Variants in TG observed in about 807,000 individuals in gnomAD.
TG encodes the protein thyroid hormones.
TG carries 270 observed loss-of-function variants against 324.7 expected under a neutral mutation model. The ratio of observed to expected loss-of-function variants is 0.83; its 90% CI spans 0.75 to 0.92. The LOEUF (loss-of-function observed/expected upper bound fraction) is 0.92. Among genes scored for constraint, TG ranks in the 40% least tolerant of loss-of-function variants. TG has a pLI of 0.00. For synonymous variants in TG, 1,401 were observed against 1,327.0 expected (o/e 1.06, Z -1.21); for missense variants, 3,591 against 3,456.4 (o/e 1.04, Z -0.98).
rs2132393341 is a variant in TG, at chr8:132,913,229, T to C, written c.4342T>C (p.Leu1448=). The C allele has an allele frequency of 1.2e-6, 2 of 1,614,152 alleles. No homozygotes were observed. Among genetic ancestry groups the C allele is most frequent in the East Asian group, 4.5e-5 (2 of 44,868 alleles). Reference sequence around the variant, plus strand: ...GTGCTCGGAAGGATTCTACCAAGTCTTGACAAGTGAGGCCAGTCAGGACGG... The same window carrying C: ...GTGCTCGGAAGGATTCTACCAAGTCCTGACAAGTGAGGCCAGTCAGGACGG... ...FGCSEGFYQV[L]TSEASQDGLG... The change falls in exon 20 of 48, where the codon TTG becomes CTG. Residue 1448 remains leucine (L), a synonymous_variant. Coordinates refer to ENST00000220616, the MANE Select transcript of TG (RefSeq NM_003235.5).
At chr8:132,884,784 A>G (rs543450630) in intron 8 of TG, among the ~76,000 whole-genome samples, 1 of 152,240 alleles carries the variant, frequency 6.6e-6, no homozygotes, top group Non-Finnish European at 1.5e-5. Flanking sequence ...TGTCTGGTAT[A>G]TCAGGTCCTA....
intron 23 of TG, among the ~76,000 whole-genome samples, chr8:132,930,681 G>A (rs570447484): frequency 2.4e-4 from 25 of 104,812 alleles, no homozygotes; most frequent in South Asian, 4.0e-4. Flanking sequence ...GTGAAACTCC[G>A]TCAAAAAAAA....
intron 41 of TG, chr8:133,087,939 T>C (rs988235522): frequency 4.6e-5 from 7 of 152,218 alleles, no homozygotes; most frequent in African/African-American, 1.4e-4. Context: ...TTTAAACTTC[T>C]TAGACTCTCT....
At chr8:132,884,658 A>G (rs1815130960) in intron 8 of TG, among the ~76,000 whole-genome samples, 1 of 152,228 alleles carries the variant, frequency 6.6e-6, no homozygotes, top group Admixed American at 6.5e-5. Flanking sequence ...ACTAAAACCT[A>G]GAGAATGTTA....
chr8:133,078,443 C>T (rs1260456623), intron 41 of TG, among the ~76,000 whole-genome samples: 1 of 152,242 alleles, frequency 6.6e-6, no homozygotes, highest in Non-Finnish European at 1.5e-5. Context: ...ACCACCCTAA[C>T]CATTCCTCTC....
chr8:133,119,640 A>G (rs1850980861), intron 45 of TG, among the ~76,000 whole-genome samples: 1 of 152,128 alleles, frequency 6.6e-6, no homozygotes, highest in Non-Finnish European at 1.5e-5. Flanking sequence ...TACTCCCCAA[A>G]GGCCCTGTCT....
intron 41 of TG, among the ~76,000 whole-genome samples, chr8:133,033,615 G>A (rs569618102): frequency 6.6e-6 from 1 of 152,214 alleles, no homozygotes; most frequent in Admixed American, 6.5e-5. Flanking sequence ...TACACTCCAG[G>A]CTCACTAGCT....
intron 41 of TG, chr8:133,039,938 A>G: frequency 6.6e-7 from 1 of 1,518,948 alleles, no homozygotes; most frequent in Non-Finnish European, 8.8e-7. Flanking sequence ...TCACATGTTC[A>G]CAGAGCACTT....
chr8:133,028,184 A>G (rs1836282354), intron 40 of TG, among the ~76,000 whole-genome samples: 1 of 152,192 alleles, frequency 6.6e-6, no homozygotes, highest in Non-Finnish European at 1.5e-5. Context: ...CAGGCTGTGG[A>G]CGTCACTTTT....
At chr8:132,876,827 C>T (rs774667254) in intron 5 of TG, among the ~76,000 whole-genome samples, 2 of 152,220 alleles carry the variant, frequency 1.3e-5, no homozygotes, top group African/African-American at 2.4e-5. Flanking sequence ...ATGCCATTGT[C>T]AAAGCCTTAA....
At chr8:132,971,045 G>A (rs1300470782) in intron 32 of TG, among the ~76,000 whole-genome samples, 2 of 152,292 alleles carry the variant, frequency 1.3e-5, no homozygotes, top group Non-Finnish European at 2.9e-5. Context: ...GTTTGAGAAA[G>A]CTCTCAGGAG....
intron 27 of TG, among the ~76,000 whole-genome samples, chr8:132,955,506 A>G (rs77475084): frequency 0.016 from 2,502 of 152,354 alleles, 34 homozygotes; most frequent in Non-Finnish European, 0.024. Context: ...GGGCTCAGGA[A>G]TCTGTCACAA....
chr8:133,045,174 G>T, intron 41 of TG: 1 of 1,594,674 alleles, frequency 6.3e-7, no homozygotes, highest in Non-Finnish European at 8.6e-7. Flanking sequence ...AAGGCACCCA[G>T]CTAACCAGCC....
rs776105050 is a variant in TG at position 132,941,434 on chromosome 8, G to A, written c.5125G>A (p.Val1709Met). The change falls in exon 26 of 48, where the codon GTG (valine) becomes ATG (methionine). Residue 1709 changes from valine to methionine, a missense_variant. Transcript: ENST00000220616. The part of the protein sequence containing the change: ...NMLSGLYNPI[V>M]FSASGANLTD... The stretch of plus-strand genomic sequence containing the variant: ...GCTTTCTGGATTGTACAACCCCATT[G>A]TGTTCTCAGCCTCAGGAGCCAATCT... 2 of 1,614,200 alleles carry A rather than the reference G, an allele frequency of 1.2e-6. No homozygotes were observed. Among genetic ancestry groups the A allele is most frequent in the South Asian group, 1.1e-5 (1 of 91,080 alleles).
chr8:132,962,404 A>G (rs919178732), intron 28 of TG, among the ~76,000 whole-genome samples: 3 of 152,190 alleles, frequency 2.0e-5, no homozygotes, highest in Admixed American at 6.5e-5. Context: ...TCCCAAGTCC[A>G]GTACTTCCTA....
At chr8:133,118,167 C>A (rs1451867157) in intron 45 of TG, among the ~76,000 whole-genome samples, 1 of 152,082 alleles carries the variant, frequency 6.6e-6, no homozygotes, top group African/African-American at 2.4e-5. Flanking sequence ...TTATTACCTG[C>A]CCTATAATTG....
At chr8:132,966,793 A>G in intron 30 of TG, 96 bp downstream of exon 30, 7 of 1,466,594 alleles carry the variant, frequency 4.8e-6, no homozygotes, top group Non-Finnish European at 6.6e-6. Flanking sequence ...ATAAGGCCAA[A>G]TTTTGTGTCA....
At position 132,919,414 on chromosome 8, in the gene TG, T is replaced by G; in HGVS notation, c.4417T>G (p.Cys1473Gly). 6.2e-7 allele frequency: 1 copy of G among 1,614,196 alleles called. No individual in the cohort carries two copies. The highest frequency in any genetic ancestry group is 8.5e-7 in the Non-Finnish European group (1 of 1,180,034). The change falls in exon 21 of 48, where the codon TGC becomes GGC. Residue 1473 changes from cysteine (C) to glycine (G), a missense_variant. Cys to Gly is a radical substitution (Grantham distance 159, BLOSUM62 -3). Coordinates refer to ENST00000220616, the MANE Select transcript of TG (RefSeq NM_003235.5). Reference protein sequence around the residue: ...PEGSYSQDEECIPCPVGFYQE... With the variant: ...PEGSYSQDEEGIPCPVGFYQE... ...AGGAAGCTATTCCCAAGATGAGGAA[T>G]GCATTCCTTGTCCTGTTGGATTCTA...
At chr8:133,041,362 G>A (rs140285940) in intron 41 of TG, among the ~76,000 whole-genome samples, 5 of 152,328 alleles carry the variant, frequency 3.3e-5, no homozygotes, top group Non-Finnish European at 5.9e-5. Context: ...GTCACAGGGC[G>A]GGCAAGCCAG....
Sources: gnomAD v4.1 joint callset for allele counts (sites outside exome capture counted in the v4.1 genomes callset) on GRCh38, gnomAD v4.1.1 for gene constraint, MANE v1.5 for transcripts, NCBI Gene and HGNC (gene_info 2026-07-23, HGNC 2026-07-21) for gene names.